Variants in COL4A1 observed in about 807,000 individuals in gnomAD.
COL4A1 encodes collagen type IV alpha 1 chain.
In COL4A1, 40 loss-of-function variants were observed where a neutral mutation model predicts 216.6. That is an observed-to-expected ratio of 0.18 (90% confidence interval 0.14 to 0.24). The LOEUF (loss-of-function observed/expected upper bound fraction) is 0.24. COL4A1 is among the 10% of genes least tolerant of loss of function. COL4A1 has a pLI of 1.00. For missense variants in COL4A1, 1,628 were observed against 2,196.8 expected (o/e 0.74, Z 5.18); for synonymous variants, 839 against 810.7 (o/e 1.03, Z -0.59).
intron 1 of COL4A1, among the ~76,000 whole-genome samples, chr13:110,286,585 C>T (rs1378054480): frequency 1.3e-5 from 2 of 152,190 alleles, no homozygotes; most frequent in East Asian, 1.9e-4. Flanking sequence ...GAGGAGCCGC[C>T]TATAGGGACA....
At chr13:110,305,524 C>T (rs1884655365) in intron 1 of COL4A1, among the ~76,000 whole-genome samples, 1 of 152,248 alleles carries the variant, frequency 6.6e-6, no homozygotes, top group Non-Finnish European at 1.5e-5. Context: ...CATCATCAGG[C>T]TTCACCATCT....
At chr13:110,306,660 C>A (rs1884734418) in intron 1 of COL4A1, among the ~76,000 whole-genome samples, 1 of 152,206 alleles carries the variant, frequency 6.6e-6, no homozygotes, top group African/African-American at 2.4e-5. Context: ...CGCCGGCTCC[C>A]AGGCACCCTC....
At chr13:110,291,558 T>C (rs1884089924) in intron 1 of COL4A1, among the ~76,000 whole-genome samples, 1 of 152,220 alleles carries the variant, frequency 6.6e-6, no homozygotes, top group South Asian at 2.1e-4. Context: ...TGGCAGGGAC[T>C]AGACTTGTCA....
chr13:110,294,464 C>A (rs1219592443), intron 1 of COL4A1, among the ~76,000 whole-genome samples: 1 of 152,236 alleles, frequency 6.6e-6, no homozygotes, highest in Non-Finnish European at 1.5e-5. Context: ...CTGATGGTTT[C>A]ATCCACTCTA....
chr13:110,195,049 C>T lies in COL4A1; in HGVS notation c.1355G>A (p.Gly452Glu). The stretch of plus-strand genomic sequence containing the variant: ...TTTCTCTCCAATTTCGCCTATAAAT[C>T]CTGGCTGCCCTGGAATTCCAGGAGG... ...QGPPGIPGQPGFIGEIGEKGQ... is the reference protein window; with the variant it reads ...QGPPGIPGQPEFIGEIGEKGQ... The change falls in exon 22 of 52, where the codon GGA becomes GAA. Residue 452 changes from glycine (G) to glutamate (E), a missense_variant. Gly to Glu is a moderately conservative substitution (Grantham distance 98). Around this residue, in one of 8 missense-constraint regions of COL4A1, gnomAD observed 701 missense variants for 892.5 expected, o/e 0.79. Coordinates refer to ENST00000375820, the MANE Select transcript of COL4A1 (RefSeq NM_001845.6). 1 of 1,614,170 alleles carries T rather than the reference C, an allele frequency of 6.2e-7. No individual in the cohort carries two copies. Among genetic ancestry groups the T allele is most frequent in the Non-Finnish European group, 8.5e-7 (1 of 1,180,018 alleles).
chr13:110,179,534 T>A, intron 29 of COL4A1, 113 bp from the exon 30 acceptor site: 1 of 1,467,394 alleles, frequency 6.8e-7, no homozygotes, highest in Non-Finnish European at 9.5e-7. Context: ...TTAGTAAGAA[T>A]ATTATCTGCT....
intron 29 of COL4A1, 136 bp from the exon 30 acceptor site, chr13:110,179,557 A>G: frequency 7.6e-7 from 1 of 1,318,656 alleles, no homozygotes. Flanking sequence ...ACCCTTTTCA[A>G]GCGTTTGCAA....
chr13:110,170,970 G>A (rs1187147137), intron 41 of COL4A1, among the ~76,000 whole-genome samples: 1 of 152,244 alleles, frequency 6.6e-6, no homozygotes, highest in Non-Finnish European at 1.5e-5. Flanking sequence ...TAGGAACCCA[G>A]CTATCGTTTT....
At position 110,167,309 on chromosome 13, in the gene COL4A1, T is replaced by C. The variant is rs923882611; in HGVS notation, c.3877-79A>G. 8.6e-6 allele frequency: 9 copies of C among 1,052,114 alleles called. No individual in the cohort carries two copies. The Admixed American group carries it at 1.4e-4, about 16-fold the overall frequency. 65.2% of individuals were successfully genotyped at this position (1,052,114 alleles called of 1,614,324 possible). The stretch of plus-strand genomic sequence containing the variant: ...CTCCAGTAACCTGCTAGTTGGAAAA[T>C]GGAAACAGCCCCTCAATGTTCTGGA... On this transcript the variant is annotated intron_variant, in intron 43 of 51. Transcript: ENST00000375820.
At chr13:110,264,141 G>A (rs777274324) in intron 1 of COL4A1, among the ~76,000 whole-genome samples, 4 of 152,088 alleles carry the variant, frequency 2.6e-5, no homozygotes, top group African/African-American at 4.8e-5. Context: ...AAGGCTGAAC[G>A]GGGAGGAGGC....
chr13:110,232,120 G>A (rs1881091352), intron 2 of COL4A1, among the ~76,000 whole-genome samples: 1 of 152,184 alleles, frequency 6.6e-6, no homozygotes, highest in South Asian at 2.1e-4. Flanking sequence ...CTCATGTGAG[G>A]AAATCCAGAA....
chr13:110,267,326 G>A (rs1384777509), intron 1 of COL4A1, among the ~76,000 whole-genome samples: 1 of 152,158 alleles, frequency 6.6e-6, no homozygotes, highest in Non-Finnish European at 1.5e-5. Flanking sequence ...GAAGGACAGA[G>A]GGAGAACGGC....
rs755879119 is a variant in COL4A1, at chr13:110,210,064, T to A, written c.553-22A>T. ...GGCCCTAGAATGCATGAGAAAGAAA[T>A]GAGTTCAGATGCGAACTGGGAGGGT... On this transcript the variant is annotated intron_variant, in intron 9 of 51. Transcript: ENST00000375820. 5.6e-6 allele frequency: 9 copies of A among 1,613,996 alleles called. No individual in the cohort carries two copies. The South Asian group carries it at 9.9e-5, about 18-fold the overall frequency.
chr13:110,159,419 A>T (rs1393788207), intron 49 of COL4A1, among the ~76,000 whole-genome samples: 1 of 152,186 alleles, frequency 6.6e-6, no homozygotes, highest in Admixed American at 6.5e-5. Context: ...CCTCACACCC[A>T]TTGGGATGGC....
intron 45 of COL4A1, 47 bp from the exon 46 acceptor site, chr13:110,165,037 G>T (rs541710510): frequency 6.3e-7 from 1 of 1,577,586 alleles, no homozygotes; most frequent in South Asian, 1.2e-5. Flanking sequence ...TCCACATACT[G>T]GGGCGGAAAC....
chr13:110,176,369 C>T (rs1412299508), intron 36 of COL4A1, 55 bp downstream of exon 36: 11 of 1,179,262 alleles, frequency 9.3e-6, no homozygotes, highest in Non-Finnish European at 1.4e-5. Flanking sequence ...GCAGACATGC[C>T]CTACCAGTAT....
chr13:110,222,771 TTAAAAAAAAAAAAAA>T (rs1203894324), intron 2 of COL4A1, among the ~76,000 whole-genome samples: 26 of 93,406 alleles, frequency 2.8e-4, no homozygotes, highest in Non-Finnish European at 3.0e-4. Context: ...AGACTCTGCT[TTAAAAAAAAAAAAAA>T]AAAAAAAAAA....
chr13:110,230,308 C>T lies in COL4A1; in HGVS notation c.144+12367G>A, dbSNP rs1020966999. Among the ~76,000 whole-genome samples the T allele has an allele frequency of 1.1e-4, 17 of 151,724 alleles. No homozygotes were observed. The East Asian group carries it at 2.3e-3, about 21-fold the overall frequency. On this transcript the variant is annotated intron_variant, in intron 2 of 51. Transcript: ENST00000375820. ...TGTATATGTATGTGTGTGGTGTGTG[C>T]GTGTATGTGATATGTGCATGCACGT... is the stretch of plus-strand genomic sequence containing the variant.
At chr13:110,209,080 T>C (rs766551325) in intron 11 of COL4A1, among the ~76,000 whole-genome samples, 190 bp from the exon 12 acceptor site, 1 of 152,228 alleles carries the variant, frequency 6.6e-6, no homozygotes, top group Non-Finnish European at 1.5e-5. Flanking sequence ...TTTTAAAGTA[T>C]GACTGATCAA....
Sources: allele counts gnomAD v4.1 joint callset (sites outside exome capture counted in the v4.1 genomes callset), GRCh38; gene constraint gnomAD v4.1.1; regional missense constraint gnomAD v4.1.1; transcripts MANE v1.5; gene names NCBI Gene and HGNC (gene_info 2026-07-23, HGNC 2026-07-21).